The following IQSEC1 variants were observed in gnomAD, a reference collection of about 807,000 sequenced individuals.
IQSEC1 encodes IQ motif and SEC7 domain-containing protein 1.
A neutral mutation model predicts 91.0 loss-of-function variants in IQSEC1; 31 were observed. The observed-to-expected ratio is 0.34, with a 90% confidence interval of 0.26 to 0.46. The LOEUF (loss-of-function observed/expected upper bound fraction) is 0.46. IQSEC1 is among the 20% of genes least tolerant of loss of function. IQSEC1 has a pLI of 1.00. For missense variants in IQSEC1, 1,388 were observed against 1,575.6 expected, an observed-to-expected ratio of 0.88 and a Z score of 2.02; for synonymous variants, 699 against 662.6, an observed-to-expected ratio of 1.05 and a Z score of -0.84.
intron 1 of IQSEC1, among the ~76,000 whole-genome samples, chr3:12,985,137 T>G (rs1701665573): frequency 6.6e-6 from 1 of 152,178 alleles, no homozygotes; most frequent in Admixed American, 6.5e-5. Context: ...ATTACATTTT[T>G]AAGTAGTCAA....
chr3:13,038,289 TATATATATAA>T (rs1397927661), intron 1 of IQSEC1, among the ~76,000 whole-genome samples: 9 of 123,508 alleles, frequency 7.3e-5, no homozygotes, highest in Admixed American at 4.0e-4. Context: ...TATATATATA[TATATATATAA>T]AATGAAGTAC....
intron 1 of IQSEC1, among the ~76,000 whole-genome samples, chr3:13,032,758 G>A (rs1188014534): frequency 1.3e-5 from 2 of 152,032 alleles, no homozygotes; most frequent in Admixed American, 6.6e-5. Flanking sequence ...TAATTTTTTT[G>A]TATTTTTAAT....
intron 1 of IQSEC1, among the ~76,000 whole-genome samples, chr3:13,165,767 A>G (rs532033318): frequency 6.6e-6 from 1 of 152,096 alleles, no homozygotes; most frequent in South Asian, 2.1e-4. Flanking sequence ...AGGCAACATC[A>G]TGACTGCAAT....
intron 1 of IQSEC1, among the ~76,000 whole-genome samples, chr3:13,200,037 ACAC>A: frequency 6.8e-6 from 1 of 147,350 alleles, no homozygotes; most frequent in South Asian, 2.3e-4. Flanking sequence ...CACACACACC[ACAC>A]ACTACACACG....
chr3:13,144,460 C>T (rs1366868246), intron 2 of IQSEC1, among the ~76,000 whole-genome samples: 1 of 152,220 alleles, frequency 6.6e-6, no homozygotes, highest in East Asian at 1.9e-4. Flanking sequence ...TTCACCACCT[C>T]CCCACGCCTG....
At chr3:13,068,729 C>T (rs547719266) in intron 1 of IQSEC1, among the ~76,000 whole-genome samples, 1 of 152,196 alleles carries the variant, frequency 6.6e-6, no homozygotes, top group Non-Finnish European at 1.5e-5. Flanking sequence ...CTTGCTGTCC[C>T]CTGCACCCGG....
intron 1 of IQSEC1, among the ~76,000 whole-genome samples, chr3:13,278,257 CA>C: frequency 6.6e-6 from 1 of 152,240 alleles, no homozygotes; most frequent in African/African-American, 2.4e-5. Context: ...TTCCCCCCCC[CA>C]CCCCCAGCCT....
At chr3:13,244,234 C>G (rs984068875) in intron 1 of IQSEC1, among the ~76,000 whole-genome samples, 1 of 152,154 alleles carries the variant, frequency 6.6e-6, no homozygotes, top group African/African-American at 2.4e-5. Context: ...GCTCTGTCCC[C>G]CAGGCTGAAG....
chr3:13,102,600 G>A (rs1467898704), intron 2 of IQSEC1, among the ~76,000 whole-genome samples: 2 of 152,210 alleles, frequency 1.3e-5, no homozygotes, highest in African/African-American at 4.8e-5. Context: ...TCCTTCCCCG[G>A]TCGGGTGGGG....
chr3:13,035,039 C>G (rs1703984553), intron 1 of IQSEC1, among the ~76,000 whole-genome samples: 1 of 152,258 alleles, frequency 6.6e-6, no homozygotes, highest in Non-Finnish European at 1.5e-5. Context: ...CACTGACATC[C>G]CAGCACTGCC....
chr3:13,132,606 C>T (rs1706638741), intron 2 of IQSEC1, among the ~76,000 whole-genome samples: 2 of 152,216 alleles, frequency 1.3e-5, no homozygotes, highest in South Asian at 4.1e-4. Context: ...TTCCCTCTCT[C>T]TGAGCTGTGA....
chr3:13,200,001 AC>A (rs1694211047), intron 1 of IQSEC1, among the ~76,000 whole-genome samples: 1 of 150,214 alleles, frequency 6.7e-6, no homozygotes, highest in African/African-American at 2.5e-5. Context: ...ACATGCACAC[AC>A]CACACACACA....
intron 1 of IQSEC1, among the ~76,000 whole-genome samples, chr3:13,061,298 GAGATGCTGGTAAA>G (rs1034556718): frequency 4.6e-5 from 7 of 152,202 alleles, no homozygotes; most frequent in African/African-American, 1.7e-4. Flanking sequence ...TCCCCTCCTT[GAGATGCTGGTAAA>G]AAGGATTTCA....
intron 1 of IQSEC1, among the ~76,000 whole-genome samples, chr3:13,209,607 C>A (rs1430270047): frequency 2.6e-5 from 4 of 152,208 alleles, no homozygotes; most frequent in African/African-American, 9.6e-5. Context: ...GCTCTCCCTG[C>A]AGCACACCCC....
chr3:13,058,801 A>G (rs1453924192), intron 1 of IQSEC1, among the ~76,000 whole-genome samples: 1 of 152,192 alleles, frequency 6.6e-6, no homozygotes, highest in African/African-American at 2.4e-5. Context: ...CACGACACAC[A>G]GTGTTCCCCA....
chr3:13,191,756 T>C (rs1694037472), intron 1 of IQSEC1, among the ~76,000 whole-genome samples: 1 of 152,232 alleles, frequency 6.6e-6, no homozygotes, highest in Non-Finnish European at 1.5e-5. Flanking sequence ...AGCTACTATG[T>C]CCTCTTTGAT....
intron 1 of IQSEC1, among the ~76,000 whole-genome samples, chr3:13,061,921 C>T (rs1275850196): frequency 6.6e-6 from 1 of 152,212 alleles, no homozygotes; most frequent in Non-Finnish European, 1.5e-5. Flanking sequence ...CAGCACATGG[C>T]TCCTCTTGGG....
chr3:13,237,851 G>A (rs1018500740), intron 1 of IQSEC1, among the ~76,000 whole-genome samples: 2 of 152,222 alleles, frequency 1.3e-5, no homozygotes, highest in Admixed American at 6.5e-5. Flanking sequence ...AGGAGACCAG[G>A]AGCTCAACCA....
chr3:12,909,426 T>C lies in IQSEC1; in HGVS notation c.2425A>G (p.Asn809Asp). 6.2e-7 allele frequency: 1 copy of C among 1,613,758 alleles called. No individual in the cohort carries two copies. The highest frequency in any genetic ancestry group is 8.5e-7 in the Non-Finnish European group (1 of 1,179,788). Reference protein sequence around the residue: ...VLLFENQYYPNGIRLTSSVPG... With the variant: ...VLLFENQYYPDGIRLTSSVPG... The stretch of plus-strand genomic sequence containing the variant: ...ACAGACGAGGTGAGCCGGATGCCAT[T>C]GGGGTAGTCTGCAAAAGGGAAGGAG... Residue 809 changes from asparagine (N) to aspartate (D), a missense_variant, in exon 11 of 14, where the codon AAT becomes GAT. Physicochemically the swap from Asn to Asp is conservative, Grantham distance 23 (BLOSUM62 1). Around this residue, in one of 2 missense-constraint regions of IQSEC1, gnomAD observed 1,059 missense variants for 1,317.8 expected, o/e 0.80. Transcript: ENST00000613206. This position sits in a 1 kb window ranked among gnomAD's most constrained non-coding sequence, Gnocchi z 4.9.
Sources: gnomAD v4.1 joint callset for allele counts (sites outside exome capture counted in the v4.1 genomes callset) on GRCh38, gnomAD v4.1.1 for gene constraint, gnomAD v4.1.1 regional missense constraint, Gnocchi (gnomAD v3.1) non-coding constraint, MANE v1.5 for transcripts, NCBI Gene and HGNC (gene_info 2026-07-23, HGNC 2026-07-21) for gene names.